RAPGEF5: variants seen among roughly 807,000 people sequenced by gnomAD.
RAPGEF5 encodes the protein M-Ras-regulated GEF.
A neutral mutation model predicts 125.2 loss-of-function variants in RAPGEF5; 65 were observed. The observed-to-expected ratio is 0.52, with a 90% confidence interval of 0.43 to 0.64. RAPGEF5 has a LOEUF of 0.64. Ranked by LOEUF, RAPGEF5 falls within the 30% of genes least tolerant of loss-of-function variation. The pLI is 0.00. For missense variants in RAPGEF5, 958 were observed against 1,048.1 expected, an observed-to-expected ratio of 0.91 and a Z score of 1.19; for synonymous variants, 391 against 385.9, an observed-to-expected ratio of 1.01 and a Z score of -0.16.
chr7:22,272,701 T>C (rs2686499), intron 6 of RAPGEF5, among the ~76,000 whole-genome samples: 36,315 of 152,156 alleles, frequency 0.24, 5,068 homozygotes, highest in African/African-American at 0.39. Flanking sequence ...GTATGGACTT[T>C]AAGAATTCTA....
In RAPGEF5 at chr7:22,308,271, T is replaced by G. The variant is rs1229221627; in HGVS notation, c.680+68A>C. 8.6e-6 allele frequency: 12 copies of G among 1,402,132 alleles called. No homozygotes were observed. The African/African-American group carries it at 1.5e-4, about 17-fold the overall frequency. 86.9% of individuals were successfully genotyped at this position (1,402,132 alleles called of 1,614,324 possible). A position where few individuals can be genotyped will look rare whatever the true frequency, so the allele number is the denominator to read the frequency against. ...GACAGTGATCTTAAAGAGCAGAATA[T>G]AGTCCCTAGACATGGTAAATGTTGT... On this transcript the variant is annotated intron_variant, in intron 5 of 25. Transcript: ENST00000665637.
Position 22,193,391 on chromosome 7 carries a change from C to T in RAPGEF5, c.1180G>A (p.Glu394Lys). ...CCTGTTTCTTTGTCCTGGACTTCTT[C>T]CAGGTGCAAGTCATTCAAAAGGTGC... ...LEHLLNDLHLEEVQDKETETL... is the reference protein window; with the variant it reads ...LEHLLNDLHLKEVQDKETETL... Residue 394 changes from glutamate (E) to lysine (K), a missense_variant, in exon 11 of 26, where the codon GAA becomes AAA. Glu to Lys is a moderately conservative substitution (Grantham distance 56). Coordinates refer to ENST00000665637, the MANE Select transcript of RAPGEF5 (RefSeq NM_012294.5). The T allele has an allele frequency of 6.3e-7, 1 of 1,593,858 alleles. No homozygotes were observed. Among genetic ancestry groups the T allele is most frequent in the Non-Finnish European group, 8.6e-7 (1 of 1,169,440 alleles).
At chr7:22,290,740 G>A (rs866328406) in intron 6 of RAPGEF5, among the ~76,000 whole-genome samples, 4 of 112,386 alleles carry the variant, frequency 3.6e-5, no homozygotes, top group African/African-American at 1.2e-4. Context: ...GCGAGACTCC[G>A]TCTCAAAAAA....
chr7:22,270,687 C>T (rs893490244), intron 6 of RAPGEF5, among the ~76,000 whole-genome samples: 1 of 152,216 alleles, frequency 6.6e-6, no homozygotes, highest in Non-Finnish European at 1.5e-5. Context: ...CCCTTCCCTA[C>T]TATAATCCTT....
chr7:22,266,957 G>A lies in RAPGEF5; in HGVS notation c.796+7C>T, dbSNP rs920807916. 6.2e-7 allele frequency: 1 copy of A among 1,604,584 alleles called. No individual in the cohort carries two copies. Among genetic ancestry groups the A allele is most frequent in the Non-Finnish European group, 8.5e-7 (1 of 1,171,858 alleles). On this transcript the variant is annotated splice_region_variant and intron_variant, in intron 7 of 25. Transcript: ENST00000665637. The stretch of plus-strand genomic sequence containing the variant: ...ATCTTCCTCCAGCCCCATAAAAGAT[G>A]ACTTACCAGACTTCCTTGCTTTCAA...
intron 1 of RAPGEF5, among the ~76,000 whole-genome samples, chr7:22,326,601 T>G (rs1024774906): frequency 1.3e-5 from 2 of 152,196 alleles, no homozygotes; most frequent in African/African-American, 2.4e-5. Context: ...ACTCTTAATT[T>G]TGAATCAAAA....
At chr7:22,303,404 G>C (rs1283770439) in intron 5 of RAPGEF5, among the ~76,000 whole-genome samples, 2 of 152,060 alleles carry the variant, frequency 1.3e-5, no homozygotes, top group Non-Finnish European at 2.9e-5. Context: ...AACTAGCTTA[G>C]AAAACTTCCA....
At chr7:22,172,530 T>G (rs772580687) in intron 11 of RAPGEF5, among the ~76,000 whole-genome samples, 1 of 152,206 alleles carries the variant, frequency 6.6e-6, no homozygotes, top group Non-Finnish European at 1.5e-5. Flanking sequence ...TCTGTCTCAT[T>G]TTAAGTATAT....
intron 2 of RAPGEF5, among the ~76,000 whole-genome samples, chr7:22,316,476 TA>T (rs1562525616): frequency 2.4e-4 from 14 of 57,736 alleles, no homozygotes; most frequent in African/African-American, 6.8e-4. Context: ...TATATATATA[TA>T]TATATATATA....
At chr7:22,236,586 C>T (rs910339285) in intron 7 of RAPGEF5, among the ~76,000 whole-genome samples, 10 of 152,186 alleles carry the variant, frequency 6.6e-5, no homozygotes, top group African/African-American at 2.2e-4. Flanking sequence ...TGAGCCTTCA[C>T]CTCAATCTCT....
intron 13 of RAPGEF5, 91 bp from the exon 14 acceptor site, chr7:22,160,706 TA>T (rs1783960496): frequency 7.3e-7 from 1 of 1,372,940 alleles, no homozygotes; most frequent in Non-Finnish European, 9.4e-7. Flanking sequence ...ACACAGGAAA[TA>T]AGGAGGGATT....
At chr7:22,185,321 G>C (rs1316994084) in intron 11 of RAPGEF5, among the ~76,000 whole-genome samples, 1 of 152,124 alleles carries the variant, frequency 6.6e-6, no homozygotes, top group Non-Finnish European at 1.5e-5. Context: ...TAAATAAACT[G>C]GTGTCTGGAG....
At chr7:22,264,140 T>C (rs1263294254) in intron 7 of RAPGEF5, among the ~76,000 whole-genome samples, 1 of 147,316 alleles carries the variant, frequency 6.8e-6, no homozygotes, top group Admixed American at 6.8e-5. Flanking sequence ...TGTTTCTACT[T>C]TCTGTTAAAA....
At position 22,315,387 on chromosome 7, in the gene RAPGEF5, G is replaced by A; in HGVS notation, c.372C>T (p.Asn124=). The A allele has an allele frequency of 6.5e-7, 1 of 1,540,980 alleles. No individual in the cohort carries two copies. Among genetic ancestry groups the A allele is most frequent in the African/African-American group, 1.4e-5 (1 of 72,134 alleles). Residue 124 remains asparagine, a synonymous_variant, in exon 3 of 26, where the codon AAC becomes AAT. Coordinates refer to ENST00000665637, the MANE Select transcript of RAPGEF5 (RefSeq NM_012294.5). ...QAADLIKDRV[N]LKGFYRRSCV... is the part of the protein sequence containing the mutation. ...TGTGTTACCTGTAAAACCCCTTGAGGTTCACTCTGTCCTTTATCAGGTCAG... is the reference window on the plus strand; with the variant it reads ...TGTGTTACCTGTAAAACCCCTTGAGATTCACTCTGTCCTTTATCAGGTCAG...
At chr7:22,322,687 C>T (rs944958006) in intron 1 of RAPGEF5, among the ~76,000 whole-genome samples, 1 of 152,208 alleles carries the variant, frequency 6.6e-6, no homozygotes, top group Non-Finnish European at 1.5e-5. Context: ...CAAATAGTAT[C>T]GGCTAGACCC....
At chr7:22,305,120 T>A (rs1291236880) in intron 5 of RAPGEF5, among the ~76,000 whole-genome samples, 1 of 152,178 alleles carries the variant, frequency 6.6e-6, no homozygotes, top group Non-Finnish European at 1.5e-5. Context: ...ATTCAAACAC[T>A]AAAACTCCAC....
At chr7:22,189,529 C>T (rs1366270266) in intron 11 of RAPGEF5, among the ~76,000 whole-genome samples, 2 of 152,094 alleles carry the variant, frequency 1.3e-5, no homozygotes, top group African/African-American at 4.8e-5. Context: ...TTTTTTCTTT[C>T]TTACCTTCCT....
chr7:22,145,402 T>C, intron 19 of RAPGEF5, 180 bp from the exon 20 acceptor site: 4 of 523,392 alleles, frequency 7.6e-6, no homozygotes, highest in Non-Finnish European at 1.3e-5. Context: ...AGGTGCCTCA[T>C]TCAATAATGT....
intron 9 of RAPGEF5, among the ~76,000 whole-genome samples, chr7:22,216,519 G>A (rs1354723308): frequency 2.0e-5 from 3 of 152,176 alleles, no homozygotes; most frequent in South Asian, 4.1e-4. Context: ...CAAGCTCAAA[G>A]GTCCCCATCT....
Sources: allele counts gnomAD v4.1 joint callset (sites outside exome capture counted in the v4.1 genomes callset), GRCh38; gene constraint gnomAD v4.1.1; transcripts MANE v1.5; gene names NCBI Gene and HGNC (gene_info 2026-07-23, HGNC 2026-07-21).